SGF29: variants seen among roughly 807,000 people sequenced by gnomAD.
SGF29 encodes SAGA-associated factor 29.
A neutral mutation model predicts 38.1 loss-of-function variants in SGF29; 15 were observed. The ratio of observed to expected loss-of-function variants is 0.39; its 90% CI spans 0.26 to 0.61. The LOEUF (loss-of-function observed/expected upper bound fraction) is 0.61, where lower values mean the gene tolerates loss of function less well. Among genes scored for constraint, SGF29 ranks in the 20% least tolerant of loss-of-function variants. The pLI is 0.49. For missense variants in SGF29, 184 were observed against 394.6 expected (o/e 0.47, Z 4.52); for synonymous variants, 151 against 160.8 (o/e 0.94, Z 0.46).
At chr16:28,556,144 C>A (rs1187539981) in intron 1 of SGF29, among the ~76,000 whole-genome samples, 5 of 152,058 alleles carry the variant, frequency 3.3e-5, no homozygotes, top group Non-Finnish European at 1.5e-5. Flanking sequence ...GTCTCTTTAA[C>A]CAATTGATGA....
At chr16:28,557,917 T>C (rs1056333094) in intron 1 of SGF29, among the ~76,000 whole-genome samples, 1 of 151,474 alleles carries the variant, frequency 6.6e-6, no homozygotes, top group Non-Finnish European at 1.5e-5. Context: ...TGGGACTCTA[T>C]CCAGAAGCCT....
At chr16:28,563,000 A>G (rs1187202611) in intron 1 of SGF29, among the ~76,000 whole-genome samples, 1 of 151,798 alleles carries the variant, frequency 6.6e-6, no homozygotes, top group Non-Finnish European at 1.5e-5. Flanking sequence ...AAGCAGTCTT[A>G]AAAGGGTGTG....
intron 4 of SGF29, chr16:28,588,570 CTTT>C: frequency 2.9e-6 from 1 of 349,078 alleles, no homozygotes; most frequent in Non-Finnish European, 5.6e-6. Context: ...TTCCAGTTTT[CTTT>C]TTTTTTTTGA....
intron 2 of SGF29, among the ~76,000 whole-genome samples, chr16:28,581,705 G>GT (rs1188233934): frequency 2.0e-5 from 3 of 151,934 alleles, no homozygotes; most frequent in Non-Finnish European, 2.9e-5. Flanking sequence ...CCGGCTAATT[G>GT]TTTTTGTATT....
At chr16:28,566,299 AAG>A (rs1596598862) in intron 1 of SGF29, among the ~76,000 whole-genome samples, 1 of 151,834 alleles carries the variant, frequency 6.6e-6, no homozygotes, top group East Asian at 1.9e-4. Context: ...AAGAAAAAGA[AAG>A]AGGGTCTTAG....
At chr16:28,564,674 T>TAC (rs1491240594) in intron 1 of SGF29, among the ~76,000 whole-genome samples, 1 of 90,226 alleles carries the variant, frequency 1.1e-5, no homozygotes, top group Non-Finnish European at 2.2e-5. Flanking sequence ...TGCATATATA[T>TAC]GTATATATAT....
At chr16:28,562,945 T>C (rs979406024) in intron 1 of SGF29, among the ~76,000 whole-genome samples, 1 of 151,318 alleles carries the variant, frequency 6.6e-6, no homozygotes, top group Non-Finnish European at 1.5e-5. Flanking sequence ...TTCTTCTACT[T>C]TTAAGGGGCT....
Position 28,574,784 on chromosome 16 carries a change from G to C in SGF29, c.-15-6271G>C, listed in dbSNP as rs188892512. ...TTCCTCACTTAGCAGATAGTCTCTAGCCTCATCAGTTCCCAAGACTTTAGC... is the reference window on the plus strand; with the variant it reads ...TTCCTCACTTAGCAGATAGTCTCTACCCTCATCAGTTCCCAAGACTTTAGC... On this transcript the variant is annotated intron_variant, in intron 1 of 9. Transcript: ENST00000317058. Among the ~76,000 whole-genome samples the C allele has an allele frequency of 7.8e-3, 1,183 of 152,246 alleles. 6 individuals are homozygous for C. The highest frequency in any genetic ancestry group is 0.012 in the Non-Finnish European group (783 of 68,012).
chr16:28,560,614 A>T (rs2046780827), intron 1 of SGF29, among the ~76,000 whole-genome samples: 1 of 146,258 alleles, frequency 6.8e-6, no homozygotes, highest in African/African-American at 2.5e-5. Context: ...AAGAACGAAA[A>T]TTTTAAAATA....
In SGF29 at chr16:28,587,399, C is replaced by T. The variant is rs1004266865; in HGVS notation, c.224+1679C>T. On this transcript the variant is annotated intron_variant, in intron 4 of 9. Coordinates refer to ENST00000317058, the MANE Select transcript of SGF29 (RefSeq NM_138414.3). ...CACAGGCCTGGCAACAGTGATGAGACTCTCAGAGTTCCCTTTGGCCCCGTG... is the reference window on the plus strand; with the variant it reads ...CACAGGCCTGGCAACAGTGATGAGATTCTCAGAGTTCCCTTTGGCCCCGTG... Among the ~76,000 whole-genome samples the T allele has an allele frequency of 3.9e-5, 6 of 152,250 alleles. No individual in the cohort carries two copies. The South Asian group carries it at 1.2e-3, about 31-fold the overall frequency.
intron 1 of SGF29, among the ~76,000 whole-genome samples, chr16:28,554,554 C>G (rs973560565): frequency 6.6e-6 from 1 of 152,202 alleles, no homozygotes; most frequent in East Asian, 1.9e-4. Flanking sequence ...GGCTCAACCT[C>G]CCGCCTCGGC....
At chr16:28,564,269 A>C (rs2046807136) in intron 1 of SGF29, among the ~76,000 whole-genome samples, 1 of 151,924 alleles carries the variant, frequency 6.6e-6, no homozygotes, top group Admixed American at 6.6e-5. Flanking sequence ...TTCAGGGGGC[A>C]GTTGGAAGTC....
intron 1 of SGF29, among the ~76,000 whole-genome samples, chr16:28,579,084 G>A (rs2046911043): frequency 6.6e-6 from 1 of 152,014 alleles, no homozygotes; most frequent in Admixed American, 6.6e-5. Context: ...ACTGCCCCCA[G>A]CTTGAACAAA....
chr16:28,568,503 A>T, intron 1 of SGF29, among the ~76,000 whole-genome samples: 1 of 149,288 alleles, frequency 6.7e-6, no homozygotes, highest in East Asian at 1.9e-4. Context: ...AAGTGGCTTC[A>T]TGAGGTGATT....
At chr16:28,555,073 C>T (rs772297780) in intron 1 of SGF29, among the ~76,000 whole-genome samples, 80 of 152,330 alleles carry the variant, frequency 5.3e-4, no homozygotes, top group Non-Finnish European at 9.0e-4. Flanking sequence ...CTCACTGCAG[C>T]CTCAAACTCT....
At chr16:28,569,143 C>G (rs2046850555) in intron 1 of SGF29, among the ~76,000 whole-genome samples, 2 of 152,010 alleles carry the variant, frequency 1.3e-5, no homozygotes, top group South Asian at 4.2e-4. Context: ...AGCTTCTTTT[C>G]TTTCTTATGT....
At chr16:28,559,054 A>G (rs2046769805) in intron 1 of SGF29, among the ~76,000 whole-genome samples, 1 of 152,206 alleles carries the variant, frequency 6.6e-6, no homozygotes, top group South Asian at 2.1e-4. Context: ...GCGGTGGCTC[A>G]CATTTTTAAT....
Position 28,590,498 on chromosome 16 carries a change from G to T in SGF29, c.566+56G>T. The stretch of plus-strand genomic sequence containing the variant: ...TGGTCACCGAACTTGCCTGGGCTAC[G>T]GGAGAAAAGCTCTGCAGAGGGTGCT... On this transcript the variant is annotated intron_variant, in intron 7 of 9. Coordinates refer to ENST00000317058, the MANE Select transcript of SGF29 (RefSeq NM_138414.3). The surrounding 1 kb of genome is among the most constrained non-coding windows in gnomAD (Gnocchi z 8.2). The T allele has an allele frequency of 6.2e-7, 1 of 1,613,678 alleles. No homozygotes were observed. The highest frequency in any genetic ancestry group is 8.5e-7 in the Non-Finnish European group (1 of 1,179,802).
intron 2 of SGF29, among the ~76,000 whole-genome samples, chr16:28,582,446 A>G (rs896318431): frequency 6.6e-6 from 1 of 152,200 alleles, no homozygotes; most frequent in African/African-American, 2.4e-5. Context: ...GTAAACCATC[A>G]TGGGGATGGA....
Sources: allele counts gnomAD v4.1 joint callset (sites outside exome capture counted in the v4.1 genomes callset), GRCh38; gene constraint gnomAD v4.1.1; non-coding constraint Gnocchi (gnomAD v3.1); transcripts MANE v1.5; gene names NCBI Gene and HGNC (gene_info 2026-07-23, HGNC 2026-07-21).